NRG3: variants seen among roughly 807,000 people sequenced by gnomAD.
The protein encoded by NRG3 is pro-neuregulin-3, membrane-bound isoform.
Under a neutral mutation model 66.9 loss-of-function variants are expected in NRG3, and 31 were observed. The ratio of observed to expected loss-of-function variants is 0.46; its 90% CI spans 0.35 to 0.63. The LOEUF is 0.63. Ranked by LOEUF, NRG3 falls within the 20% of genes least tolerant of loss-of-function variation. The pLI, the probability that NRG3 is intolerant of heterozygous loss-of-function variation, is 0.00. For missense variants in NRG3, 910 were observed against 878.9 expected (o/e 1.04, Z -0.45); for synonymous variants, 393 against 359.4 (o/e 1.09, Z -1.06).
intron 2 of NRG3, among the ~76,000 whole-genome samples, chr10:82,453,155 G>T (rs1409709226): frequency 6.6e-6 from 1 of 151,962 alleles, no homozygotes; most frequent in Admixed American, 6.6e-5. Context: ...ATTATTATAT[G>T]GGATTATATA....
At chr10:81,939,019 G>A (rs563465740) in intron 1 of NRG3, among the ~76,000 whole-genome samples, 19 of 152,074 alleles carry the variant, frequency 1.2e-4, no homozygotes, top group African/African-American at 4.6e-4. Flanking sequence ...AGGTGACCAT[G>A]AGATTCATTG....
chr10:82,681,404 A>G (rs1015259123), intron 2 of NRG3, among the ~76,000 whole-genome samples: 1 of 152,242 alleles, frequency 6.6e-6, no homozygotes, highest in African/African-American at 2.4e-5. Flanking sequence ...CTCAATAAAT[A>G]TTAGATTTTA....
chr10:81,984,474 T>C (rs996072344), intron 1 of NRG3, among the ~76,000 whole-genome samples: 2 of 152,200 alleles, frequency 1.3e-5, no homozygotes, highest in Non-Finnish European at 2.9e-5. Context: ...AAATGGTATC[T>C]CTGTTTTCAG....
At chr10:82,792,462 A>C (rs2060625097) in intron 3 of NRG3, among the ~76,000 whole-genome samples, 1 of 152,088 alleles carries the variant, frequency 6.6e-6, no homozygotes, top group Admixed American at 6.6e-5. Flanking sequence ...CCTTCTGTTC[A>C]AGACTTTGAG....
chr10:82,975,307 A>G (rs1028020424), intron 7 of NRG3, among the ~76,000 whole-genome samples: 12 of 152,248 alleles, frequency 7.9e-5, no homozygotes, highest in Non-Finnish European at 1.6e-4. Flanking sequence ...GTAATTCAGT[A>G]TAATATCATT....
intron 2 of NRG3, among the ~76,000 whole-genome samples, chr10:82,442,725 C>CAAAAAGT (rs1590147544): frequency 1.5e-5 from 2 of 129,346 alleles, no homozygotes; most frequent in East Asian, 4.8e-4. Flanking sequence ...TTATCAGAAA[C>CAAAAAGT]AAAAAGTAAA....
At chr10:82,094,522 T>C (rs1235539775) in intron 1 of NRG3, among the ~76,000 whole-genome samples, 2 of 152,176 alleles carry the variant, frequency 1.3e-5, no homozygotes, top group African/African-American at 4.8e-5. Flanking sequence ...AATTGCTATA[T>C]CAAAAAGAAA....
chr10:82,024,244 A>G (rs1282306925), intron 1 of NRG3, among the ~76,000 whole-genome samples: 3 of 151,818 alleles, frequency 2.0e-5, no homozygotes, highest in Non-Finnish European at 2.9e-5. Flanking sequence ...TGTTTTCTTA[A>G]TTCGTGTAGC....
chr10:82,200,529 T>A (rs2074741680), intron 1 of NRG3, among the ~76,000 whole-genome samples: 1 of 152,104 alleles, frequency 6.6e-6, no homozygotes, highest in African/African-American at 2.4e-5. Context: ...AATGAGGGGA[T>A]AGGGATATAG....
chr10:82,523,464 T>C (rs1450515154), intron 2 of NRG3, among the ~76,000 whole-genome samples: 1 of 151,994 alleles, frequency 6.6e-6, no homozygotes, highest in Non-Finnish European at 1.5e-5. Flanking sequence ...TGTATTTCTC[T>C]GATAGGTAAT....
chr10:82,462,161 C>A (rs1245046467), intron 2 of NRG3, among the ~76,000 whole-genome samples: 6 of 151,872 alleles, frequency 4.0e-5, no homozygotes, highest in African/African-American at 1.5e-4. Context: ...ATAAATCTAT[C>A]TATCTATCTA....
intron 2 of NRG3, among the ~76,000 whole-genome samples, chr10:82,664,955 T>A (rs2052648494): frequency 6.6e-6 from 1 of 152,198 alleles, no homozygotes; most frequent in Non-Finnish European, 1.5e-5. Flanking sequence ...TGTTAGTATC[T>A]CATTTTCTTT....
intron 4 of NRG3, among the ~76,000 whole-genome samples, chr10:82,917,740 A>G (rs1402959943): frequency 1.3e-5 from 2 of 152,038 alleles, no homozygotes; most frequent in African/African-American, 2.4e-5. Context: ...CTTGCTGCCT[A>G]GAAGTCTTGG....
At chr10:82,250,615 T>A (rs1208814421) in intron 1 of NRG3, among the ~76,000 whole-genome samples, 2 of 152,190 alleles carry the variant, frequency 1.3e-5, no homozygotes, top group East Asian at 3.9e-4. Context: ...TCTGCTGAGA[T>A]ATCAAGACCA....
intron 2 of NRG3, among the ~76,000 whole-genome samples, chr10:82,492,692 T>C (rs970767139): frequency 5.3e-5 from 8 of 152,200 alleles, no homozygotes; most frequent in African/African-American, 1.7e-4. Context: ...TTGCACCAAA[T>C]TGGGCAGAGA....
chr10:81,985,881 C>T (rs764458605), intron 1 of NRG3, among the ~76,000 whole-genome samples: 6 of 152,092 alleles, frequency 3.9e-5, no homozygotes, highest in Non-Finnish European at 5.9e-5. Flanking sequence ...CATAACATAG[C>T]GTAGGTATAT....
At chr10:82,378,974 G>T (rs964244501) in intron 2 of NRG3, among the ~76,000 whole-genome samples, 1 of 152,128 alleles carries the variant, frequency 6.6e-6, no homozygotes, top group African/African-American at 2.4e-5. Flanking sequence ...TAGAAGATCT[G>T]AGTAGTATTC....
chr10:82,945,689 C>T (rs1300448430), intron 4 of NRG3, among the ~76,000 whole-genome samples: 1 of 152,170 alleles, frequency 6.6e-6, no homozygotes, highest in African/African-American at 2.4e-5. Flanking sequence ...AGTTTACTCT[C>T]ATGATAACAG....
intron 4 of NRG3, among the ~76,000 whole-genome samples, chr10:82,899,349 GATAAA>G (rs1324390425): frequency 6.6e-6 from 1 of 152,058 alleles, no homozygotes; most frequent in Non-Finnish European, 1.5e-5. Context: ...TCATATTTTA[GATAAA>G]ATAATACAGA....
Sources: allele counts gnomAD v4.1 joint callset (sites outside exome capture counted in the v4.1 genomes callset), GRCh38; gene constraint gnomAD v4.1.1; transcripts MANE v1.5; gene names NCBI Gene and HGNC (gene_info 2026-07-23, HGNC 2026-07-21).